MEGF6: variants seen among roughly 807,000 people sequenced by gnomAD.
MEGF6 encodes multiple epidermal growth factor-like domains protein 6.
Under a neutral mutation model 207.1 loss-of-function variants are expected in MEGF6, and 184 were observed. The ratio of observed to expected loss-of-function variants is 0.89; its 90% CI spans 0.79 to 1.00. The LOEUF is 1.00. Ranked by LOEUF, MEGF6 falls within the 50% of genes least tolerant of loss-of-function variation. MEGF6 has a pLI of 0.00. For synonymous variants in MEGF6, 1,038 were observed against 910.0 expected (o/e 1.14, Z -2.53); for missense variants, 2,282 against 2,202.9 (o/e 1.04, Z -0.72).
chr1:3,624,051 CCT>C, the MEGF6 span, among the ~76,000 whole-genome samples: 1 of 152,198 alleles, frequency 6.6e-6, no homozygotes, highest in Non-Finnish European at 1.5e-5. Flanking sequence ...ATCCCCACTC[CCT>C]GACTGAAGTA....
At chr1:3,621,070 CG>C in the MEGF6 span, among the ~76,000 whole-genome samples, 1 of 152,208 alleles carries the variant, frequency 6.6e-6, no homozygotes, top group African/African-American at 2.4e-5. Flanking sequence ...AACATGAAAG[CG>C]GACCAGGAGC....
intron 30 of MEGF6, 91 bp from the exon 31 acceptor site, chr1:3,494,832 T>C (rs77610498): frequency 0.066 from 95,749 of 1,446,754 alleles, 3,825 homozygotes; most frequent in Admixed American, 0.16. Context: ...AGTCACTCGG[T>C]AAATGCTTCC....
chr1:3,585,609 G>T (rs1440590747), intron 3 of MEGF6, among the ~76,000 whole-genome samples: 3 of 144,280 alleles, frequency 2.1e-5, no homozygotes, highest in Non-Finnish European at 4.5e-5. Flanking sequence ...GTGTGTGGGT[G>T]TGAGTGACAC....
chr1:3,530,509 G>A (rs1642115126), intron 4 of MEGF6, among the ~76,000 whole-genome samples: 1 of 152,202 alleles, frequency 6.6e-6, no homozygotes, highest in African/African-American at 2.4e-5. Flanking sequence ...CCACCTGGAG[G>A]GAGGCGGGCC....
chr1:3,610,376 A>T (rs867662103), intron 1 of MEGF6, among the ~76,000 whole-genome samples: 7 of 152,046 alleles, frequency 4.6e-5, no homozygotes, highest in South Asian at 2.1e-4. Flanking sequence ...CTGGACGGGG[A>T]GGCTGTCAGA....
chr1:3,520,263 C>T (rs1244287982), intron 5 of MEGF6, among the ~76,000 whole-genome samples: 1 of 152,352 alleles, frequency 6.6e-6, no homozygotes, highest in Non-Finnish European at 1.5e-5. Context: ...GGGTCATGCG[C>T]GGGCATCATG....
chr1:3,525,596 C>T (rs1641931166), intron 4 of MEGF6, among the ~76,000 whole-genome samples: 1 of 152,232 alleles, frequency 6.6e-6, no homozygotes, highest in East Asian at 1.9e-4. Flanking sequence ...ACACCTGGGC[C>T]TACCTGCTCC....
In MEGF6 at chr1:3,611,231, G is replaced by A; in HGVS notation, c.38C>T (p.Ala13Val). Residue 13 changes from alanine to valine, a missense_variant, in exon 1 of 37, where the codon GCG becomes GTG. Physicochemically the swap from Ala to Val is moderately conservative, Grantham distance 64 (BLOSUM62 0). Coordinates refer to ENST00000356575, the MANE Select transcript of MEGF6 (RefSeq NM_001409.4). ...CAGCAGCACCAACGCCAGGACCACC[G>A]CGCGCCCCGCTGCCCTCGCCTCTTC... ...FLEEARAAGR[A>V]VVLALVLLLL... 6.5e-7 allele frequency: 1 copy of A among 1,537,004 alleles called. No homozygotes were observed. The highest frequency in any genetic ancestry group is 8.7e-7 in the Non-Finnish European group (1 of 1,152,910).
chr1:3,544,320 G>A (rs1642634080), intron 4 of MEGF6, among the ~76,000 whole-genome samples: 1 of 150,654 alleles, frequency 6.6e-6, no homozygotes, highest in Non-Finnish European at 1.5e-5. Flanking sequence ...CCACAGACCT[G>A]AACAGGGGCT....
chr1:3,589,296 G>C (rs1643940421), intron 3 of MEGF6, among the ~76,000 whole-genome samples: 2 of 152,166 alleles, frequency 1.3e-5, no homozygotes, highest in African/African-American at 2.4e-5. Context: ...CTGTGAGAGA[G>C]TAAACTCACA....
chr1:3,514,031 A>G (rs1247748972), intron 7 of MEGF6, among the ~76,000 whole-genome samples: 1 of 152,080 alleles, frequency 6.6e-6, no homozygotes, highest in East Asian at 2.0e-4. Flanking sequence ...GGCGGATCAC[A>G]AGGTCAGGAG....
intron 4 of MEGF6, among the ~76,000 whole-genome samples, chr1:3,542,396 C>A (rs986778120): frequency 6.6e-6 from 1 of 152,358 alleles, no homozygotes; most frequent in East Asian, 1.9e-4. Context: ...TCCAACCCGG[C>A]TGGCAGTGGA....
intron 2 of MEGF6, among the ~76,000 whole-genome samples, chr1:3,597,578 CTAATCCAGTGACGGGCGCCCT>C (rs1644088213): frequency 6.6e-6 from 1 of 152,210 alleles, no homozygotes; most frequent in Admixed American, 6.5e-5. Flanking sequence ...ATGGGGGACC[CTAATCCAGTGACGGGCGCCCT>C]TATAAGAAGA....
At position 3,583,680 on chromosome 1, in the gene MEGF6, ACC is replaced by A. The variant is rs1643854899; in HGVS notation, c.377-3753_377-3752del. ...CCAGACAACGCGCAGCCACCAGACA[ACC>A]CGCAGCCACCAGACAACGCACAGCC... On this transcript the variant is annotated intron_variant, in intron 3 of 36. Transcript: ENST00000356575. Among the ~76,000 whole-genome samples, 2 of 2,268 alleles carry A rather than the reference ACC, an allele frequency of 8.8e-4. 1 individual carries two copies. Among genetic ancestry groups the A allele is most frequent in the Non-Finnish European group, 2.5e-3 (2 of 786 alleles). 1.5% of individuals were successfully genotyped at this position (2,268 alleles called of 152,430 possible). A position where few individuals can be genotyped will look rare whatever the true frequency, so the allele number is the denominator to read the frequency against.
Position 3,506,710 on chromosome 1 carries a change from C to T in MEGF6, c.1790-474G>A, listed in dbSNP as rs556672547. On this transcript the variant is annotated intron_variant, in intron 14 of 36. Coordinates refer to ENST00000356575, the MANE Select transcript of MEGF6 (RefSeq NM_001409.4). ...TTCTCTCTGGCTGGGTCCTGCCCCA[C>T]GTCCTTCCTCCTACTGAAGGCGGTA... Among the ~76,000 whole-genome samples the T allele has an allele frequency of 3.3e-4, 50 of 152,336 alleles. 1 individual carries two copies. The highest frequency in any genetic ancestry group is 1.1e-3 in the African/African-American group (47 of 41,568).
chr1:3,562,800 C>T (rs758108337), intron 4 of MEGF6, among the ~76,000 whole-genome samples: 5 of 152,198 alleles, frequency 3.3e-5, no homozygotes, highest in Admixed American at 6.5e-5. Context: ...GCCCCTCGAC[C>T]AGACCGCCCC....
At chr1:3,493,598 G>T in intron 34 of MEGF6, 173 bp downstream of exon 34, 1 of 866,432 alleles carries the variant, frequency 1.2e-6, no homozygotes, top group Non-Finnish European at 1.7e-6. Context: ...GCTTGGTACC[G>T]CATGTCCCAG....
intron 2 of MEGF6, among the ~76,000 whole-genome samples, chr1:3,598,357 C>T (rs1644104531): frequency 1.3e-5 from 2 of 152,194 alleles, no homozygotes; most frequent in African/African-American, 4.8e-5. Context: ...CTCATGCACG[C>T]GCACTGCACA....
intron 3 of MEGF6, among the ~76,000 whole-genome samples, chr1:3,581,329 G>A (rs139896156): frequency 3.1e-4 from 47 of 152,120 alleles, no homozygotes; most frequent in South Asian, 1.0e-3. Context: ...CCCCACCTGG[G>A]CCCTCACACA....
Sources: allele counts gnomAD v4.1 joint callset (sites outside exome capture counted in the v4.1 genomes callset), GRCh38; gene constraint gnomAD v4.1.1; transcripts MANE v1.5; gene names NCBI Gene and HGNC (gene_info 2026-07-23, HGNC 2026-07-21).